CNBD1: variants seen among roughly 807,000 people sequenced by gnomAD.
CNBD1 encodes the protein cyclic nucleotide binding domain containing 1.
Under a neutral mutation model 54.4 loss-of-function variants are expected in CNBD1, and 71 were observed. The observed-to-expected ratio is 1.30, with a 90% CI of 1.08 to 1.59. CNBD1 has a LOEUF of 1.59. CNBD1 is among the 40% of genes most tolerant of loss of function. CNBD1 has a pLI of 0.00. For missense variants in CNBD1, 659 were observed against 518.0 expected (o/e 1.27, Z -2.64); for synonymous variants, 182 against 170.7 (o/e 1.07, Z -0.51).
chr8:86,976,828 AAT>A (rs1284850061), intron 4 of CNBD1, among the ~76,000 whole-genome samples: 5 of 151,832 alleles, frequency 3.3e-5, no homozygotes, highest in Non-Finnish European at 7.4e-5. Flanking sequence ...TTCTTTTATA[AAT>A]AGTTTTTAGA....
In CNBD1 at chr8:87,186,943, C is replaced by T. The variant is rs374583578; in HGVS notation, c.432-19050C>T. ...ATTTAGCTTAGAGATTTTTGGGCAT[C>T]CCAAAAGCAATAGAAGTGGATTAAT... On this transcript the variant is annotated intron_variant, in intron 4 of 10. Transcript: ENST00000518476. Among the ~76,000 whole-genome samples the T allele has an allele frequency of 6.6e-5, 10 of 152,002 alleles. 1 individual carries two copies. In the East Asian group the frequency reaches 9.7e-4, roughly 15 times the overall value.
At chr8:86,872,956 C>T (rs528352962) in intron 1 of CNBD1, among the ~76,000 whole-genome samples, 104 of 152,158 alleles carry the variant, frequency 6.8e-4, no homozygotes, top group African/African-American at 2.2e-3. Flanking sequence ...CTTTTGTTCC[C>T]TGTGTATATG....
At chr8:87,098,549 A>G (rs1811361595) in intron 4 of CNBD1, among the ~76,000 whole-genome samples, 1 of 152,168 alleles carries the variant, frequency 6.6e-6, no homozygotes, top group Non-Finnish European at 1.5e-5. Flanking sequence ...TACCAAAGAC[A>G]TGAAGCTCTT....
At chr8:87,160,909 C>T (rs560552292) in intron 4 of CNBD1, among the ~76,000 whole-genome samples, 3 of 152,234 alleles carry the variant, frequency 2.0e-5, no homozygotes, top group African/African-American at 7.2e-5. Context: ...GGAACTACAA[C>T]AGGGTGTATT....
At chr8:87,390,440 A>C (rs1055546823) in intron 2 of CNBD1, among the ~76,000 whole-genome samples, 11 of 152,234 alleles carry the variant, frequency 7.2e-5, no homozygotes, top group Non-Finnish European at 1.5e-4. Flanking sequence ...GGATATGAAC[A>C]GACACTTCTC....
chr8:86,892,775 A>G (rs1808792397), intron 2 of CNBD1, among the ~76,000 whole-genome samples: 1 of 152,062 alleles, frequency 6.6e-6, no homozygotes, highest in Non-Finnish European at 1.5e-5. Flanking sequence ...AAAATATCTT[A>G]CTTTCCTTTT....
intron 8 of CNBD1, among the ~76,000 whole-genome samples, chr8:87,325,900 G>C (rs938428936): frequency 2.3e-5 from 3 of 129,440 alleles, no homozygotes; most frequent in Admixed American, 1.5e-4. Context: ...TCCTAGTCTC[G>C]ATGGTCTTTA....
At chr8:87,205,683 A>T (rs1159919465) in intron 4 of CNBD1, among the ~76,000 whole-genome samples, 1 of 152,096 alleles carries the variant, frequency 6.6e-6, no homozygotes, top group Non-Finnish European at 1.5e-5. Flanking sequence ...TAAGAGATGC[A>T]ACTTTACAAT....
At chr8:87,191,843 G>A (rs937326410) in intron 4 of CNBD1, among the ~76,000 whole-genome samples, 1 of 152,128 alleles carries the variant, frequency 6.6e-6, no homozygotes, top group East Asian at 1.9e-4. Flanking sequence ...CACAGAAGTG[G>A]CATATACTTT....
chr8:87,053,987 C>T (rs928975813), intron 4 of CNBD1, among the ~76,000 whole-genome samples: 1 of 152,174 alleles, frequency 6.6e-6, no homozygotes, highest in African/African-American at 2.4e-5. Context: ...GGCTGTCTTC[C>T]TTCAGATGGA....
intron 3 of CNBD1, among the ~76,000 whole-genome samples, chr8:86,911,106 A>G (rs1362498983): frequency 6.6e-6 from 1 of 152,228 alleles, no homozygotes; most frequent in Non-Finnish European, 1.5e-5. Flanking sequence ...ACATGTGGTG[A>G]CAAAGAAAAG....
intron 2 of CNBD1, among the ~76,000 whole-genome samples, chr8:86,899,343 T>C (rs1469450064): frequency 6.6e-6 from 1 of 151,676 alleles, no homozygotes; most frequent in Non-Finnish European, 1.5e-5. Context: ...AAAAAAAAAA[T>C]GGGTAACTAT....
At chr8:87,077,596 T>A (rs1563459574) in intron 4 of CNBD1, among the ~76,000 whole-genome samples, 1 of 128,656 alleles carries the variant, frequency 7.8e-6, no homozygotes, top group Non-Finnish European at 1.6e-5. Context: ...GGCCCTGGTT[T>A]ATGATGTTCC....
chr8:87,367,949 A>G (rs1466797592), intron 10 of CNBD1, among the ~76,000 whole-genome samples: 4 of 152,160 alleles, frequency 2.6e-5, no homozygotes, highest in Middle Eastern at 3.4e-3. Flanking sequence ...AGGCAGGTGG[A>G]TCACGAGGTC....
intron 4 of CNBD1, among the ~76,000 whole-genome samples, chr8:87,078,505 G>A (rs1196098315): frequency 3.3e-5 from 5 of 152,148 alleles, no homozygotes; most frequent in African/African-American, 1.2e-4. Context: ...TGGTTTTAAT[G>A]TCTCCTCTAC....
intron 8 of CNBD1, among the ~76,000 whole-genome samples, chr8:87,307,097 A>G (rs141230199): frequency 4.1e-4 from 62 of 152,260 alleles, no homozygotes; most frequent in African/African-American, 1.4e-3. Context: ...AGAAGATATT[A>G]TTTTGCAACT....
chr8:87,029,799 A>T (rs73273681), intron 4 of CNBD1, among the ~76,000 whole-genome samples: 4,589 of 152,216 alleles, frequency 0.03, 235 homozygotes, highest in African/African-American at 0.1. Context: ...TGTTAATTAG[A>T]TTTTTGGTGT....
chr8:87,132,341 A>G (rs1048755109), intron 4 of CNBD1, among the ~76,000 whole-genome samples: 4 of 151,676 alleles, frequency 2.6e-5, no homozygotes, highest in African/African-American at 9.7e-5. Context: ...GATAATACCT[A>G]ATGTGTGTCT....
chr8:87,202,595 C>T (rs566537059), intron 4 of CNBD1, among the ~76,000 whole-genome samples: 5 of 152,234 alleles, frequency 3.3e-5, no homozygotes, highest in East Asian at 1.9e-4. Context: ...AATTACGGGT[C>T]GGGTAGATTA....
Sources: allele counts gnomAD v4.1 joint callset (sites outside exome capture counted in the v4.1 genomes callset), GRCh38; gene constraint gnomAD v4.1.1; transcripts MANE v1.5; gene names NCBI Gene and HGNC (gene_info 2026-07-23, HGNC 2026-07-21).